The following PRORP variants were observed in gnomAD, a reference collection of about 807,000 sequenced individuals.
PRORP encodes the protein protein only RNase P catalytic subunit, also known as mitochondrial ribonuclease P catalytic subunit.
Under a neutral mutation model 59.4 loss-of-function variants are expected in PRORP, and 51 were observed. That is an observed-to-expected ratio of 0.86 (90% confidence interval 0.69 to 1.08). PRORP has a LOEUF of 1.08. Among genes scored for constraint, PRORP ranks in the 50% least tolerant of loss-of-function variants. The probability of loss-of-function intolerance (pLI) is 0.00; values close to 1 mark genes in which losing one functional copy is unlikely to be tolerated. For synonymous variants in PRORP, 231 were observed against 245.6 expected (o/e 0.94, Z 0.55); for missense variants, 646 against 690.3 (o/e 0.94, Z 0.72).
At chr14:35,130,030 CTTT>C (rs1180777805) in intron 4 of PRORP, among the ~76,000 whole-genome samples, 3 of 129,910 alleles carry the variant, frequency 2.3e-5, no homozygotes, top group African/African-American at 8.7e-5. Flanking sequence ...TTTAGACTTT[CTTT>C]TTTTTTTTTT....
At chr14:35,229,410 G>A (rs193183458) in intron 5 of PRORP, among the ~76,000 whole-genome samples, 6 of 152,216 alleles carry the variant, frequency 3.9e-5, no homozygotes, top group Non-Finnish European at 7.4e-5. Flanking sequence ...TTTCTTTTAG[G>A]ATTTCTATAG....
chr14:35,221,238 AC>A (rs1157791458), intron 5 of PRORP, among the ~76,000 whole-genome samples: 7 of 106,342 alleles, frequency 6.6e-5, no homozygotes, highest in African/African-American at 1.9e-4. Flanking sequence ...TTAAGGGGAT[AC>A]CAAAAAACTT....
intron 5 of PRORP, among the ~76,000 whole-genome samples, chr14:35,203,549 A>C (rs887924000): frequency 6.6e-6 from 1 of 152,108 alleles, no homozygotes; most frequent in Non-Finnish European, 1.5e-5. Context: ...ATTAAATTAA[A>C]AATCCAGATT....
intron 4 of PRORP, among the ~76,000 whole-genome samples, chr14:35,176,009 A>T (rs2048440302): frequency 6.6e-6 from 1 of 152,154 alleles, no homozygotes; most frequent in African/African-American, 2.4e-5. Context: ...TCCTTTCCCC[A>T]TTGCTTGTTT....
At chr14:35,129,084 G>A (rs1004978548) in intron 4 of PRORP, among the ~76,000 whole-genome samples, 2 of 151,730 alleles carry the variant, frequency 1.3e-5, no homozygotes, top group African/African-American at 4.8e-5. Flanking sequence ...GGCGCACGCT[G>A]GTAATCCCAG....
chr14:35,173,887 C>G (rs2048379360), intron 4 of PRORP, among the ~76,000 whole-genome samples: 1 of 151,872 alleles, frequency 6.6e-6, no homozygotes. Flanking sequence ...CTTGAAATCC[C>G]CCTCAGTCTC....
chr14:35,248,752 G>T (rs996781950), intron 5 of PRORP, among the ~76,000 whole-genome samples: 2 of 152,266 alleles, frequency 1.3e-5, no homozygotes, highest in African/African-American at 4.8e-5. Flanking sequence ...GCAGTCACTT[G>T]AGAAATACAG....
intron 5 of PRORP, among the ~76,000 whole-genome samples, chr14:35,230,556 G>A (rs569764665): frequency 3.7e-4 from 57 of 152,240 alleles, no homozygotes; most frequent in African/African-American, 1.3e-3. Context: ...AGTATTCATC[G>A]AGTACTTATA....
At chr14:35,152,606 A>AC (rs574809576) in intron 4 of PRORP, among the ~76,000 whole-genome samples, 79 of 145,314 alleles carry the variant, frequency 5.4e-4, no homozygotes, top group East Asian at 5.1e-3. Context: ...GCGGGGGCTG[A>AC]CCCCCCCACC....
intron 5 of PRORP, among the ~76,000 whole-genome samples, chr14:35,251,779 C>T (rs1414884755): frequency 6.6e-6 from 1 of 152,172 alleles, no homozygotes; most frequent in Non-Finnish European, 1.5e-5. Flanking sequence ...TGGTCTCGAA[C>T]TCCTGACCTC....
At chr14:35,271,393 A>G (rs553539945) in intron 7 of PRORP, among the ~76,000 whole-genome samples, 1 of 151,956 alleles carries the variant, frequency 6.6e-6, no homozygotes. Flanking sequence ...TCCTGAGCTC[A>G]TAATCCACCC....
chr14:35,189,658 T>C (rs934962291), intron 5 of PRORP, among the ~76,000 whole-genome samples: 3 of 152,166 alleles, frequency 2.0e-5, no homozygotes, highest in African/African-American at 4.8e-5. Flanking sequence ...AGGCTAATGA[T>C]TGTGTTATCT....
At chr14:35,122,190 A>C, upstream of PRORP, 1 of 551,342 alleles carries the variant, frequency 1.8e-6, no homozygotes. Flanking sequence ...GAGATGGAAA[A>C]TGGTTCTCCT....
intron 4 of PRORP, among the ~76,000 whole-genome samples, chr14:35,168,511 C>A (rs7144806): frequency 0.18 from 28,036 of 152,032 alleles, 2,844 homozygotes; most frequent in Admixed American, 0.27. Flanking sequence ...TCCTCTAGAT[C>A]CAAACTATGA....
At chr14:35,195,720 A>G (rs1478564650) in intron 5 of PRORP, among the ~76,000 whole-genome samples, 1 of 152,124 alleles carries the variant, frequency 6.6e-6, no homozygotes, top group Admixed American at 6.5e-5. Flanking sequence ...TAGAAGTCAG[A>G]TAGGTCTTTT....
At chr14:35,258,492 C>T (rs1208333381) in intron 5 of PRORP, among the ~76,000 whole-genome samples, 1 of 151,976 alleles carries the variant, frequency 6.6e-6, no homozygotes, top group African/African-American at 2.4e-5. Context: ...ACAGAAACCC[C>T]AAATCAGAAG....
intron 4 of PRORP, among the ~76,000 whole-genome samples, chr14:35,152,549 G>A (rs1013917612): frequency 4.1e-5 from 6 of 145,372 alleles, no homozygotes. Context: ...GGCAGCGGCC[G>A]GGTGGAGGCG....
intron 4 of PRORP, among the ~76,000 whole-genome samples, chr14:35,170,677 CTT>C (rs2048292864): frequency 6.6e-6 from 1 of 152,012 alleles, no homozygotes; most frequent in Admixed American, 6.6e-5. Context: ...AGTCACATGT[CTT>C]TTAAAGAAAT....
At chr14:35,129,904 C>T (rs1322671841) in intron 4 of PRORP, among the ~76,000 whole-genome samples, 1 of 152,166 alleles carries the variant, frequency 6.6e-6, no homozygotes, top group African/African-American at 2.4e-5. Flanking sequence ...AATAAAAACT[C>T]TACACCTTTA....
Sources: allele counts gnomAD v4.1 joint callset (sites outside exome capture counted in the v4.1 genomes callset), GRCh38; gene constraint gnomAD v4.1.1; transcripts MANE v1.5; gene names NCBI Gene and HGNC (gene_info 2026-07-23, HGNC 2026-07-21).